The following TLN2 variants were observed in gnomAD, a reference collection of about 807,000 sequenced individuals.
TLN2 encodes the protein talin-2.
Under a neutral mutation model 294.7 loss-of-function variants are expected in TLN2, and 118 were observed. The observed-to-expected ratio is 0.40, with a 90% CI of 0.34 to 0.47. The LOEUF (loss-of-function observed/expected upper bound fraction) is 0.47, where lower values mean the gene tolerates loss of function less well. Among genes scored for constraint, TLN2 ranks in the 20% least tolerant of loss-of-function variants. TLN2 has a pLI of 0.84. For missense variants in TLN2, 3,083 were observed against 3,282.2 expected, an observed-to-expected ratio of 0.94 and a Z score of 1.48; for synonymous variants, 1,431 against 1,304.5, an observed-to-expected ratio of 1.10 and a Z score of -2.09.
intron 1 of TLN2, among the ~76,000 whole-genome samples, chr15:62,572,237 C>CTTT (rs965806302): frequency 6.8e-6 from 1 of 146,726 alleles, no homozygotes; most frequent in Non-Finnish European, 1.5e-5. Flanking sequence ...TTGTCACCTC[C>CTTT]TTTTTTTTTT....
At position 62,512,574 on chromosome 15, in the gene TLN2, T is replaced by C. The variant is rs373925251; in HGVS notation, c.-237-77113T>C. Among the ~76,000 whole-genome samples, 5 of 152,348 alleles carry C rather than the reference T, an allele frequency of 3.3e-5. No homozygotes were observed. In the East Asian group the frequency reaches 7.7e-4, roughly 24 times the overall value. Reference sequence around the variant, plus strand: ...TTTAGATGGTAATTGCTGAGAGACATGATGTGCTCTTTCCGAGTGTACATT... The same window carrying C: ...TTTAGATGGTAATTGCTGAGAGACACGATGTGCTCTTTCCGAGTGTACATT... On this transcript the variant is annotated intron_variant, in intron 1 of 58. Transcript: ENST00000636159.
Position 62,843,230 on chromosome 15 carries a change from G to C in TLN2, c.*2620G>C, listed in dbSNP as rs2070880432. On this transcript the variant is annotated 3_prime_UTR_variant, in exon 59 of 59. Transcript: ENST00000636159. ...CACCCCTCTACTCCTCGAGGGCTTT[G>C]AATCCTTGGGCTGATTTTTGTGCCA... 6.6e-6 allele frequency: 1 copy of C among 152,222 alleles called. No individual in the cohort carries two copies. Among genetic ancestry groups the C allele is most frequent in the Admixed American group, 6.5e-5 (1 of 15,288 alleles). The allele number at this position is 152,222 out of a possible 1,614,324, so 9.4% of individuals were successfully genotyped here.
intron 27 of TLN2, among the ~76,000 whole-genome samples, 188 bp downstream of exon 27, chr15:62,725,292 C>T (rs2060375757): frequency 6.6e-6 from 1 of 152,216 alleles, no homozygotes. Context: ...CTGGATTCTA[C>T]ACTCAGCTGT....
intron 3 of TLN2, among the ~76,000 whole-genome samples, chr15:62,620,746 T>C (rs966463823): frequency 6.6e-6 from 1 of 151,784 alleles, no homozygotes; most frequent in African/African-American, 2.4e-5. Flanking sequence ...CCTCCCAAAG[T>C]GCTGGAATTA....
intron 1 of TLN2, 41 bp downstream of exon 1, chr15:62,390,726 C>CT (rs756584006): frequency 3.3e-5 from 5 of 152,134 alleles, no homozygotes; most frequent in Non-Finnish European, 7.3e-5. Context: ...CTTCCTCCAG[C>CT]TGCATGCACG....
At chr15:62,601,635 T>C (rs1422234399) in intron 2 of TLN2, among the ~76,000 whole-genome samples, 1 of 152,238 alleles carries the variant, frequency 6.6e-6, no homozygotes, top group Non-Finnish European at 1.5e-5. Flanking sequence ...GATTGCAAAA[T>C]AGTGGTATTC....
intron 9 of TLN2, among the ~76,000 whole-genome samples, chr15:62,672,782 G>C (rs770598004): frequency 2.0e-5 from 3 of 152,008 alleles, no homozygotes; most frequent in African/African-American, 4.8e-5. Context: ...ACCGGGGTTG[G>C]GGGGTGGTGT....
At chr15:62,496,586 C>G (rs1258413239) in intron 1 of TLN2, among the ~76,000 whole-genome samples, 1 of 152,084 alleles carries the variant, frequency 6.6e-6, no homozygotes. Context: ...GCATCAGAAC[C>G]CACTGTTTAA....
At chr15:62,422,727 T>C (rs1170221152) in intron 1 of TLN2, among the ~76,000 whole-genome samples, 1 of 152,194 alleles carries the variant, frequency 6.6e-6, no homozygotes, top group African/African-American at 2.4e-5. Flanking sequence ...CTGCCATCTT[T>C]AATCAACCCA....
intron 2 of TLN2, among the ~76,000 whole-genome samples, chr15:62,609,722 C>G (rs932037310): frequency 6.6e-6 from 1 of 152,162 alleles, no homozygotes; most frequent in Non-Finnish European, 1.5e-5. Context: ...CCTCACTTGA[C>G]GGAGGTTTGA....
chr15:62,402,790 TA>T (rs2033125703), intron 1 of TLN2, among the ~76,000 whole-genome samples: 2 of 152,330 alleles, frequency 1.3e-5, no homozygotes, highest in South Asian at 4.1e-4. Flanking sequence ...CTTCCTATAC[TA>T]AACTTACTAA....
At position 62,701,228 on chromosome 15, in the gene TLN2, A is replaced by G. The variant is rs2058700342; in HGVS notation, c.1696+14A>G. ...ACCTCACAGCTGGTAAGTCCCGGAG[A>G]GATTTGTGCTGCATTGGGGTTTTGT... On this transcript the variant is annotated intron_variant, in intron 17 of 58. Transcript: ENST00000636159. The G allele has an allele frequency of 6.2e-7, 1 of 1,600,192 alleles. No homozygotes were observed. The highest frequency in any genetic ancestry group is 8.5e-7 in the Non-Finnish European group (1 of 1,170,216).
At chr15:62,637,068 T>C (rs1386361366) in intron 3 of TLN2, 1 of 152,196 alleles carries the variant, frequency 6.6e-6, no homozygotes. Flanking sequence ...GCCTGCAGAA[T>C]ATGCCTTCCT....
intron 19 of TLN2, among the ~76,000 whole-genome samples, chr15:62,705,411 G>T (rs1313562942): frequency 6.6e-6 from 1 of 152,102 alleles, no homozygotes; most frequent in Non-Finnish European, 1.5e-5. Context: ...TTTTACACTG[G>T]CTATATAATA....
intron 28 of TLN2, 45 bp from the exon 29 acceptor site, chr15:62,736,832 AT>A (rs751716385): frequency 6.3e-7 from 1 of 1,599,188 alleles, no homozygotes; most frequent in Non-Finnish European, 8.6e-7. Flanking sequence ...AAAATGTGCC[AT>A]TTAGATGGAG....
intron 1 of TLN2, among the ~76,000 whole-genome samples, chr15:62,578,502 G>A (rs537087801): frequency 9.2e-5 from 14 of 152,286 alleles, no homozygotes; most frequent in African/African-American, 3.4e-4. Flanking sequence ...GGGAGGTGGA[G>A]GTTGCAGTGA....
intron 1 of TLN2, among the ~76,000 whole-genome samples, chr15:62,391,320 G>T (rs2032068113): frequency 6.6e-6 from 1 of 152,212 alleles, no homozygotes; most frequent in Non-Finnish European, 1.5e-5. Flanking sequence ...CGGGCGAACT[G>T]CTGGCCGCTG....
intron 1 of TLN2, among the ~76,000 whole-genome samples, chr15:62,519,343 A>C (rs2040343860): frequency 6.6e-6 from 1 of 152,214 alleles, no homozygotes; most frequent in Admixed American, 6.5e-5. Context: ...TGACAGCCCA[A>C]GTCAACTCTT....
At chr15:62,441,219 C>T (rs2035528663) in intron 1 of TLN2, among the ~76,000 whole-genome samples, 1 of 152,112 alleles carries the variant, frequency 6.6e-6, no homozygotes. Context: ...GCCCTGTGCT[C>T]ATTTGTATTA....
Sources: allele counts gnomAD v4.1 joint callset (sites outside exome capture counted in the v4.1 genomes callset), GRCh38; gene constraint gnomAD v4.1.1; transcripts MANE v1.5; gene names NCBI Gene and HGNC (gene_info 2026-07-23, HGNC 2026-07-21).